BCO2: variants seen among roughly 807,000 people sequenced by gnomAD.
BCO2 encodes beta-carotene oxygenase 2.
BCO2 carries 56 observed loss-of-function variants against 65.8 expected under a neutral mutation model. The ratio of observed to expected loss-of-function variants is 0.85; its 90% CI spans 0.69 to 1.06. The LOEUF is 1.06. Ranked by LOEUF, BCO2 falls within the 50% of genes least tolerant of loss-of-function variation. The probability of loss-of-function intolerance (pLI) is 0.00; values close to 1 mark genes in which losing one functional copy is unlikely to be tolerated. For missense variants in BCO2, 675 were observed against 698.5 expected, an observed-to-expected ratio of 0.97 and a Z score of 0.38; for synonymous variants, 233 against 242.3, an observed-to-expected ratio of 0.96 and a Z score of 0.36.
chr11:112,185,726 G>A (rs922884044), intron 2 of BCO2, among the ~76,000 whole-genome samples: 2 of 152,054 alleles, frequency 1.3e-5, no homozygotes, highest in African/African-American at 4.8e-5. Context: ...ATGGCTAGAT[G>A]AATTCCAGGA....
chr11:112,203,474 A>T (rs1225578612), intron 8 of BCO2, among the ~76,000 whole-genome samples: 2 of 152,222 alleles, frequency 1.3e-5, no homozygotes, highest in African/African-American at 4.8e-5. Context: ...TTTAAAAATA[A>T]AATTCATTGT....
rs1481825009 is a variant in BCO2, at chr11:112,193,867, G to T, written c.518-12G>T. 2 of 1,556,318 alleles carry T rather than the reference G, an allele frequency of 1.3e-6. No homozygotes were observed. The highest frequency in any genetic ancestry group is 2.7e-5 in the African/African-American group (2 of 73,746). ...GCTGTGGTACTTAAATAACTCTAGG[G>T]TTTGGTTTCAGCCATGACTGACAAT... is the stretch of plus-strand genomic sequence containing the variant. On this transcript the variant is annotated splice_polypyrimidine_tract_variant and intron_variant, in intron 3 of 11. Transcript: ENST00000357685.
intron 8 of BCO2, among the ~76,000 whole-genome samples, chr11:112,208,253 C>A (rs1309165118): frequency 6.6e-6 from 1 of 152,124 alleles, no homozygotes. Context: ...TGAGTCACCG[C>A]ACCTGGCCGG....
rs1224144291 is a variant in BCO2 at position 112,207,984 on chromosome 11, C to T, written c.1195-5740C>T. On this transcript the variant is annotated intron_variant, in intron 8 of 11. Coordinates refer to ENST00000357685, the MANE Select transcript of BCO2 (RefSeq NM_031938.7). Reference sequence around the variant, plus strand: ...ATTTTTTTTTTTTGAGACAGTGTGACGGTCTCACTCTGTCACCAAGGCTGG... The same window carrying T: ...ATTTTTTTTTTTTGAGACAGTGTGATGGTCTCACTCTGTCACCAAGGCTGG... 4.1e-5 allele frequency among the ~76,000 whole-genome samples: 6 copies of T among 145,288 alleles called. No individual in the cohort carries two copies. The East Asian group carries it at 6.1e-4, about 15-fold the overall frequency.
intron 2 of BCO2, chr11:112,181,857 G>T: frequency 1.0e-6 from 1 of 967,420 alleles, no homozygotes; most frequent in South Asian, 1.3e-5. Context: ...TTCAAATCTT[G>T]AACGAGCTCA....
intron 8 of BCO2, among the ~76,000 whole-genome samples, chr11:112,203,480 A>G (rs982923914): frequency 6.6e-6 from 1 of 152,156 alleles, no homozygotes; most frequent in Non-Finnish European, 1.5e-5. Flanking sequence ...AATAAAATTC[A>G]TTGTATATAT....
chr11:112,202,083 G>A lies in BCO2; in HGVS notation c.1087G>A (p.Glu363Lys). The change falls in exon 8 of 12, where the codon GAG (glutamate) becomes AAG (lysine). Residue 363 changes from glutamate to lysine, a missense_variant. Physicochemically the swap from Glu to Lys is moderately conservative, Grantham distance 56. Transcript: ENST00000357685. ...TACATTTCATCAAATCAATGCCTTTGAGGACCAGGGCTGTGTTATAATTGA... is the reference window on the plus strand; with the variant it reads ...TACATTTCATCAAATCAATGCCTTTAAGGACCAGGGCTGTGTTATAATTGA... ...FVTFHQINAF[E>K]DQGCVIIDLC... 6.2e-7 allele frequency: 1 copy of A among 1,613,128 alleles called. No homozygotes were observed. The highest frequency in any genetic ancestry group is 8.5e-7 in the Non-Finnish European group (1 of 1,179,486).
At chr11:112,176,056 C>T (rs982056992) in intron 1 of BCO2, 10 of 178,722 alleles carry the variant, frequency 5.6e-5, no homozygotes, top group Admixed American at 1.1e-4. Flanking sequence ...TTGCATTTTG[C>T]GGGGACTGCC....
chr11:112,214,457 C>T (rs1859599220), intron 9 of BCO2, among the ~76,000 whole-genome samples: 1 of 152,266 alleles, frequency 6.6e-6, no homozygotes, highest in South Asian at 2.1e-4. Flanking sequence ...CTGCAATCCC[C>T]ACCTTTTAGA....
At chr11:112,200,966 T>C (rs1370738446) in intron 7 of BCO2, among the ~76,000 whole-genome samples, 193 bp downstream of exon 7, 1 of 152,170 alleles carries the variant, frequency 6.6e-6, no homozygotes, top group South Asian at 2.1e-4. Flanking sequence ...TAGAGAATTA[T>C]AGGAAATGAT....
At chr11:112,182,622 G>A (rs1867084186) in intron 2 of BCO2, among the ~76,000 whole-genome samples, 1 of 151,508 alleles carries the variant, frequency 6.6e-6, no homozygotes, top group South Asian at 2.1e-4. Flanking sequence ...AATACCGCAT[G>A]TTCTCACTCA....
At chr11:112,183,092 G>A in intron 2 of BCO2, 1 of 1,262,494 alleles carries the variant, frequency 7.9e-7, no homozygotes, top group Non-Finnish European at 1.2e-6. Context: ...ATCTGTGTGG[G>A]TGTGATCTTC....
chr11:112,193,133 A>G (rs1002896830), intron 2 of BCO2, among the ~76,000 whole-genome samples: 2 of 151,588 alleles, frequency 1.3e-5, no homozygotes, highest in African/African-American at 2.4e-5. Context: ...GCATGCCACC[A>G]TGCCCAGTTA....
At chr11:112,181,148 TG>T in intron 2 of BCO2, 1 of 1,191,426 alleles carries the variant, frequency 8.4e-7, no homozygotes. Context: ...CAAAGGTGTC[TG>T]GGGAAGTAAG....
At chr11:112,210,153 G>A (rs1351231177) in intron 8 of BCO2, among the ~76,000 whole-genome samples, 1 of 152,070 alleles carries the variant, frequency 6.6e-6, no homozygotes, top group East Asian at 1.9e-4. Context: ...CCAATTTATA[G>A]TTCTCTACCA....
In BCO2 at chr11:112,193,516, CAG is replaced by C. The variant is rs754683902; in HGVS notation, c.338_339del (p.Arg113AsnfsTer16). ...ATGGGATGGCGCTGCTTCACCAGTT[CAG>C]AATGGCAAAGGGCACAGTGACATAC... ...FDGMALLHQF[R>X]MAKGTVTYRS... is the part of the protein sequence containing the mutation. On this transcript the variant is annotated frameshift_variant, in exon 3 of 12. Coordinates refer to ENST00000357685, the MANE Select transcript of BCO2 (RefSeq NM_031938.7). LOFTEE classifies it high-confidence loss of function. 6.2e-7 allele frequency: 1 copy of C among 1,614,014 alleles called. No homozygotes were observed. Among genetic ancestry groups the C allele is most frequent in the Middle Eastern group, 1.6e-4 (1 of 6,084 alleles).
At position 112,193,974 on chromosome 11, in the gene BCO2, A is replaced by G; in HGVS notation, c.613A>G (p.Thr205Ala). The G allele has an allele frequency of 6.2e-7, 1 of 1,600,170 alleles. No homozygotes were observed. Among genetic ancestry groups the G allele is most frequent in the Non-Finnish European group, 8.6e-7 (1 of 1,167,404 alleles). ...TNFMNKVDIE[T>A]LEKTEKVDWS... ...CTTTATGAATAAAGTGGACATTGAA[A>G]CTCTGGAAAAAACAGAAAAGGTAAA... Residue 205 changes from threonine to alanine, a missense_variant, in exon 4 of 12, where the codon ACT (threonine) becomes GCT (alanine). Physicochemically the swap from Thr to Ala is moderately conservative, Grantham distance 58. Transcript: ENST00000357685.
chr11:112,200,467 G>A (rs1592853472), intron 6 of BCO2, 146 bp from the exon 7 acceptor site: 6 of 641,192 alleles, frequency 9.4e-6, no homozygotes, highest in African/African-American at 3.7e-5. Flanking sequence ...GTAAAGCTGG[G>A]AGACAGTAAA....
chr11:112,207,768 T>A (rs1859386990), intron 8 of BCO2, among the ~76,000 whole-genome samples: 1 of 152,232 alleles, frequency 6.6e-6, no homozygotes, highest in Non-Finnish European at 1.5e-5. Context: ...CAATGTTGAG[T>A]CTTCCAGTAC....
Sources: allele counts gnomAD v4.1 joint callset (sites outside exome capture counted in the v4.1 genomes callset), GRCh38; gene constraint gnomAD v4.1.1; transcripts MANE v1.5; gene names NCBI Gene and HGNC (gene_info 2026-07-23, HGNC 2026-07-21).